CLMN: variants seen among roughly 807,000 people sequenced by gnomAD.
CLMN encodes the protein calmin.
CLMN carries 57 observed loss-of-function variants against 92.7 expected under a neutral mutation model. That is an observed-to-expected ratio of 0.61 (90% CI 0.50 to 0.77). The LOEUF (loss-of-function observed/expected upper bound fraction) is 0.77, where lower values mean the gene tolerates loss of function less well. Ranked by LOEUF, CLMN falls within the 30% of genes least tolerant of loss-of-function variation. CLMN has a pLI of 0.00. For missense variants in CLMN, 1,158 were observed against 1,237.5 expected (o/e 0.94, Z 0.96); for synonymous variants, 466 against 470.6 (o/e 0.99, Z 0.13).
intron 1 of CLMN, among the ~76,000 whole-genome samples, chr14:95,272,154 C>T (rs1899735278): frequency 6.6e-6 from 1 of 152,096 alleles, no homozygotes; most frequent in African/African-American, 2.4e-5. Context: ...GTGGGTAGGG[C>T]GAGGCCCTCA....
chr14:95,259,271 T>C lies in CLMN; in HGVS notation c.83-29138A>G, dbSNP rs113596013. Among the ~76,000 whole-genome samples, 32,869 of 151,660 alleles carry C rather than the reference T, an allele frequency of 0.22. 4,291 individuals carry two copies. The highest frequency in any genetic ancestry group is 0.37 in the African/African-American group (15,081 of 41,280). Reference sequence around the variant, plus strand: ...AACCACTGCTCTTCCCCAATGTCAGTGGGAATGGAGGGGTAAACACATATG... The same window carrying C: ...AACCACTGCTCTTCCCCAATGTCAGCGGGAATGGAGGGGTAAACACATATG... On this transcript the variant is annotated intron_variant, in intron 1 of 12. Transcript: ENST00000298912. The surrounding 1 kb of genome is among the most constrained non-coding windows in gnomAD (Gnocchi z 4.3).
In CLMN at chr14:95,194,798, T is replaced by A. The variant is rs1896657106; in HGVS notation, c.2709-202A>T. ...TTACAAATAGGATGGATATTAGTGA[T>A]ACACACATTGGGCCCTCATCTACAA... On this transcript the variant is annotated intron_variant, in intron 10 of 12. Coordinates refer to ENST00000298912, the MANE Select transcript of CLMN (RefSeq NM_024734.4). The surrounding 1 kb of genome is among the most constrained non-coding windows in gnomAD (Gnocchi z 4.0). 6.6e-6 allele frequency among the ~76,000 whole-genome samples: 1 copy of A among 152,218 alleles called. No homozygotes were observed. Among genetic ancestry groups the A allele is most frequent in the African/African-American group, 2.4e-5 (1 of 41,448 alleles).
intron 1 of CLMN, among the ~76,000 whole-genome samples, chr14:95,304,181 A>G (rs972897964): frequency 1.3e-5 from 2 of 152,146 alleles, no homozygotes; most frequent in African/African-American, 4.8e-5. Context: ...CTACAAAAAA[A>G]TAAACAAAAT....
At chr14:95,231,551 G>C (rs1258394157) in intron 1 of CLMN, among the ~76,000 whole-genome samples, 2 of 152,114 alleles carry the variant, frequency 1.3e-5, no homozygotes, top group East Asian at 3.9e-4. Flanking sequence ...CCTGTCCATG[G>C]AAAAATTTTC....
At chr14:95,261,030 A>G (rs1035823870) in intron 1 of CLMN, among the ~76,000 whole-genome samples, 1 of 152,048 alleles carries the variant, frequency 6.6e-6, no homozygotes, top group Non-Finnish European at 1.5e-5. Context: ...ATGACTCACT[A>G]ACACTGAACT....
At chr14:95,208,823 A>T (rs1312195475) in intron 8 of CLMN, among the ~76,000 whole-genome samples, 1 of 152,160 alleles carries the variant, frequency 6.6e-6, no homozygotes, top group East Asian at 1.9e-4. Context: ...AGTGGGATGA[A>T]ATCTCTCACC....
rs182240460 is a variant in CLMN at position 95,250,570 on chromosome 14, T to C, written c.83-20437A>G. On this transcript the variant is annotated intron_variant, in intron 1 of 12. Coordinates refer to ENST00000298912, the MANE Select transcript of CLMN (RefSeq NM_024734.4). ...GGGATGTGTTCTTCCCTCTGTTATGTTGCCCCACATGTAACTTCTTCACAA... is the reference window on the plus strand; with the variant it reads ...GGGATGTGTTCTTCCCTCTGTTATGCTGCCCCACATGTAACTTCTTCACAA... Among the ~76,000 whole-genome samples, 328 of 152,360 alleles carry C rather than the reference T, an allele frequency of 2.2e-3. 2 individuals carry two copies. The highest frequency in any genetic ancestry group is 9.6e-3 in the East Asian group (50 of 5,186).
chr14:95,224,009 C>G (rs899801376), intron 2 of CLMN, among the ~76,000 whole-genome samples, 154 bp from the exon 3 acceptor site: 5 of 152,206 alleles, frequency 3.3e-5, no homozygotes, highest in Non-Finnish European at 5.9e-5. Context: ...GCAGGCCCAT[C>G]CCCCTGGAAG....
rs1896512374 is a variant in CLMN, at chr14:95,189,443, T to TCATGAGA, written c.*2120_*2121insTCTCATG. 6.6e-6 allele frequency: 1 copy of TCATGAGA among 152,254 alleles called. No homozygotes were observed. The highest frequency in any genetic ancestry group is 2.4e-5 in the African/African-American group (1 of 41,470). 9.4% of individuals were successfully genotyped at this position (152,254 alleles called of 1,614,324 possible). On this transcript the variant is annotated 3_prime_UTR_variant, in exon 13 of 13. Coordinates refer to ENST00000298912, the MANE Select transcript of CLMN (RefSeq NM_024734.4). ...ATATCCAGCTTCTTCCATAGAAGCC[T>TCATGAGA]ATACTCAAATGAGATTTTTTTTTCC... is the stretch of plus-strand genomic sequence containing the variant.
In CLMN at chr14:95,185,047, A is replaced by C. The variant is rs879589929; in HGVS notation, c.*6517T>G. On this transcript the variant is annotated 3_prime_UTR_variant, in exon 13 of 13. Coordinates refer to ENST00000298912, the MANE Select transcript of CLMN (RefSeq NM_024734.4). ...CCTGAGCCCAGGAGTTTCAGGCTGCAGTGAGCTGTGATCACACCACTGTAC... is the reference window on the plus strand; with the variant it reads ...CCTGAGCCCAGGAGTTTCAGGCTGCCGTGAGCTGTGATCACACCACTGTAC... The C allele has an allele frequency of 6.6e-6, 1 of 152,294 alleles. No individual in the cohort carries two copies. The highest frequency in any genetic ancestry group is 2.4e-5 in the African/African-American group (1 of 41,452). 9.4% of individuals were successfully genotyped at this position (152,294 alleles called of 1,614,324 possible).
rs1896471216 is a variant in CLMN, at chr14:95,187,645, A to G, written c.*3919T>C. Reference sequence around the variant, plus strand: ...CCAACTCAGGGACACCAGGCACAGCAAAGGTTGAAGCAACTTAATGAAAGT... The same window carrying G: ...CCAACTCAGGGACACCAGGCACAGCGAAGGTTGAAGCAACTTAATGAAAGT... On this transcript the variant is annotated 3_prime_UTR_variant, in exon 13 of 13. Coordinates refer to ENST00000298912, the MANE Select transcript of CLMN (RefSeq NM_024734.4). 1 of 152,380 alleles carries G rather than the reference A, an allele frequency of 6.6e-6. No individual in the cohort carries two copies. Among genetic ancestry groups the G allele is most frequent in the Non-Finnish European group, 1.5e-5 (1 of 68,160 alleles). 9.4% of individuals were successfully genotyped at this position (152,380 alleles called of 1,614,324 possible).
intron 1 of CLMN, among the ~76,000 whole-genome samples, chr14:95,233,362 T>C (rs1311700343): frequency 1.3e-5 from 2 of 151,990 alleles, no homozygotes; most frequent in African/African-American, 2.4e-5. Context: ...TACCCATCCA[T>C]CCATCCAGCC....
At chr14:95,193,734 T>C in intron 12 of CLMN, 115 bp downstream of exon 12, 1 of 1,275,240 alleles carries the variant, frequency 7.8e-7, no homozygotes, top group Non-Finnish European at 1.1e-6. Context: ...TATCCCAAAT[T>C]ATTAATACTG....
intron 1 of CLMN, among the ~76,000 whole-genome samples, chr14:95,318,475 G>A (rs1901891745): frequency 6.6e-6 from 1 of 152,144 alleles, no homozygotes; most frequent in African/African-American, 2.4e-5. Flanking sequence ...CCAACCTAGG[G>A]GTGGGGCAGA....
intron 1 of CLMN, among the ~76,000 whole-genome samples, chr14:95,236,210 C>A (rs1898050151): frequency 6.6e-6 from 1 of 152,206 alleles, no homozygotes; most frequent in Non-Finnish European, 1.5e-5. Context: ...CAGTGAAACG[C>A]CAGGATTTGA....
intron 1 of CLMN, among the ~76,000 whole-genome samples, chr14:95,266,258 G>A (rs1422507209): frequency 6.6e-6 from 1 of 152,174 alleles, no homozygotes; most frequent in Non-Finnish European, 1.5e-5. Context: ...ACGAAGTCAA[G>A]TTATCCTTGT....
At chr14:95,195,117 C>T (rs1295564206) in intron 10 of CLMN, among the ~76,000 whole-genome samples, 1 of 152,358 alleles carries the variant, frequency 6.6e-6, no homozygotes, top group East Asian at 1.9e-4. Context: ...GCCTGAATCA[C>T]CCCTGTGGCT....
At chr14:95,199,733 G>A (rs1896822822) in intron 9 of CLMN, among the ~76,000 whole-genome samples, 1 of 152,212 alleles carries the variant, frequency 6.6e-6, no homozygotes, top group African/African-American at 2.4e-5. Context: ...CTGGGGAGGA[G>A]GTCGGAGGGC....
intron 1 of CLMN, among the ~76,000 whole-genome samples, chr14:95,257,259 C>T (rs922047283): frequency 1.5e-4 from 23 of 152,314 alleles, no homozygotes; most frequent in African/African-American, 4.1e-4. Flanking sequence ...TGCTGTCAAC[C>T]GCCCGCTGCA....
Sources: allele counts gnomAD v4.1 joint callset (sites outside exome capture counted in the v4.1 genomes callset), GRCh38; gene constraint gnomAD v4.1.1; non-coding constraint Gnocchi (gnomAD v3.1); transcripts MANE v1.5; gene names NCBI Gene and HGNC (gene_info 2026-07-23, HGNC 2026-07-21).